Variants in SVEP1 observed in about 807,000 individuals in gnomAD.
SVEP1 encodes sushi, von Willebrand factor type A, EGF and pentraxin domain containing 1.
Under a neutral mutation model 367.3 loss-of-function variants are expected in SVEP1, and 164 were observed. The ratio of observed to expected loss-of-function variants is 0.45; its 90% CI spans 0.39 to 0.51. The LOEUF is 0.51. Among genes scored for constraint, SVEP1 ranks in the 20% least tolerant of loss-of-function variants. The pLI is 0.00. For synonymous variants in SVEP1, 1,666 were observed against 1,611.6 expected, an observed-to-expected ratio of 1.03 and a Z score of -0.81; for missense variants, 4,117 against 4,425.3, an observed-to-expected ratio of 0.93 and a Z score of 1.98.
At chr9:110,387,535 A>G in intron 41 of SVEP1, 77 bp from the exon 42 acceptor site, 3 of 1,393,830 alleles carry the variant, frequency 2.2e-6, no homozygotes, top group East Asian at 2.4e-5. Context: ...ATTGCCAAAG[A>G]TATTTCATGG....
intron 27 of SVEP1, among the ~76,000 whole-genome samples, chr9:110,437,447 T>C (rs1255418103): frequency 6.6e-6 from 1 of 152,208 alleles, no homozygotes; most frequent in Non-Finnish European, 1.5e-5. Context: ...CAGCCCTTCG[T>C]TAAACTCACT....
intron 5 of SVEP1, among the ~76,000 whole-genome samples, chr9:110,504,220 A>ATTT (rs35561615): frequency 6.8e-5 from 10 of 146,918 alleles, no homozygotes; most frequent in African/African-American, 2.5e-4. Flanking sequence ...ACGCCCGGCT[A>ATTT]TTTTTTTTTT....
At chr9:110,381,303 T>C (rs10817001) in intron 43 of SVEP1, among the ~76,000 whole-genome samples, 41,998 of 152,040 alleles carry the variant, frequency 0.28, 6,411 homozygotes, top group Middle Eastern at 0.5. Context: ...TGTTAGGGTG[T>C]CAATCTGAGA....
intron 8 of SVEP1, 49 bp downstream of exon 8, chr9:110,496,766 A>G (rs375408093): frequency 7.5e-6 from 10 of 1,340,474 alleles, no homozygotes; most frequent in African/African-American, 1.5e-5. Flanking sequence ...TATCTGCAGT[A>G]TATTTAGAAT....
chr9:110,552,801 G>C (rs891064270), intron 1 of SVEP1, among the ~76,000 whole-genome samples: 3 of 152,172 alleles, frequency 2.0e-5, no homozygotes, highest in South Asian at 2.1e-4. Context: ...CTGGGTACTG[G>C]GGCCCCCTGC....
intron 43 of SVEP1, among the ~76,000 whole-genome samples, chr9:110,381,293 T>C (rs11792414): frequency 0.081 from 12,304 of 152,228 alleles, 982 homozygotes; most frequent in African/African-American, 0.21. Flanking sequence ...TTAGTTGTGA[T>C]GTTAGGGTGT....
intron 3 of SVEP1, among the ~76,000 whole-genome samples, chr9:110,542,838 A>G (rs1588100903): frequency 1.7e-5 from 2 of 118,524 alleles, no homozygotes; most frequent in African/African-American, 6.2e-5. Context: ...GGGGGGAGGG[A>G]TAGCATTAGG....
At chr9:110,577,076 C>G (rs1830635863) in intron 1 of SVEP1, among the ~76,000 whole-genome samples, 1 of 151,904 alleles carries the variant, frequency 6.6e-6, no homozygotes. Context: ...ATATAATCCC[C>G]AAGTTAATTC....
At chr9:110,412,014 A>C (rs926835608) in intron 36 of SVEP1, among the ~76,000 whole-genome samples, 5 of 152,202 alleles carry the variant, frequency 3.3e-5, no homozygotes, top group African/African-American at 1.2e-4. Flanking sequence ...TTATTGATCA[A>C]ATGACTTGCA....
At chr9:110,557,583 C>T (rs1269680918) in intron 1 of SVEP1, among the ~76,000 whole-genome samples, 1 of 148,840 alleles carries the variant, frequency 6.7e-6, no homozygotes, top group Non-Finnish European at 1.5e-5. Context: ...TTTTATTTAG[C>T]AGAAAATTTT....
intron 43 of SVEP1, among the ~76,000 whole-genome samples, chr9:110,379,829 C>T (rs1196500377): frequency 6.6e-6 from 1 of 152,094 alleles, no homozygotes; most frequent in Non-Finnish European, 1.5e-5. Flanking sequence ...CTGCAAGAGA[C>T]TTTCAAAACA....
intron 1 of SVEP1, among the ~76,000 whole-genome samples, chr9:110,561,219 C>G (rs574730550): frequency 6.6e-6 from 1 of 152,068 alleles, no homozygotes; most frequent in Non-Finnish European, 1.5e-5. Flanking sequence ...TTTCCACCTC[C>G]CAATACATCC....
chr9:110,476,136 C>T, intron 14 of SVEP1, 68 bp downstream of exon 14: 1 of 1,006,452 alleles, frequency 9.9e-7, no homozygotes, highest in Non-Finnish European at 1.5e-6. Context: ...GTTTGCCTCA[C>T]TTTTCTGGAA....
intron 3 of SVEP1, among the ~76,000 whole-genome samples, chr9:110,524,718 T>TATTATTATTATTATTATTATTATTAC (rs35477110): frequency 1.1e-4 from 16 of 143,838 alleles, no homozygotes; most frequent in African/African-American, 3.6e-4. Context: ...TTATTATTAC[T>TATTATTATTATTATTATTATTATTAC]TTTTTTTTTT....
intron 3 of SVEP1, among the ~76,000 whole-genome samples, chr9:110,536,629 G>C (rs1022696809): frequency 2.0e-5 from 3 of 151,926 alleles, no homozygotes; most frequent in African/African-American, 7.2e-5. Context: ...TCTTTAGCAT[G>C]ATTCAAAATC....
In SVEP1 at chr9:110,400,871, G is replaced by A. The variant is rs769502047; in HGVS notation, c.9805C>T (p.Pro3269Ser). ...FESTIIYQCE[P>S]GYELEGNRER... is the part of the protein sequence containing the mutation. ...TCGCTTACCTCTAGTTCATAGCCAG[G>A]CTCACACTGATAAATAATTGTGCTT... The change falls in exon 40 of 48, where the codon CCT (proline) becomes TCT (serine). Residue 3269 changes from proline (P) to serine (S), a missense_variant. Coordinates refer to ENST00000374469, the MANE Select transcript of SVEP1 (RefSeq NM_153366.4). 1.2e-6 allele frequency: 2 copies of A among 1,613,450 alleles called. No homozygotes were observed. Among genetic ancestry groups the A allele is most frequent in the Admixed American group, 1.7e-5 (1 of 59,916 alleles).
At chr9:110,384,386 A>G (rs997436566) in intron 43 of SVEP1, among the ~76,000 whole-genome samples, 1 of 149,616 alleles carries the variant, frequency 6.7e-6, no homozygotes, top group Non-Finnish European at 1.5e-5. Flanking sequence ...GAGAACCTGG[A>G]TACCTCAGTT....
chr9:110,490,375 T>A (rs1005766289), intron 8 of SVEP1, among the ~76,000 whole-genome samples: 1 of 152,156 alleles, frequency 6.6e-6, no homozygotes, highest in African/African-American at 2.4e-5. Flanking sequence ...GAATATATGA[T>A]CGATTATCGT....
At position 110,432,624 on chromosome 9, in the gene SVEP1, C is replaced by T. The variant is rs1173968493; in HGVS notation, c.5071G>A (p.Gly1691Arg). 6.2e-6 allele frequency: 10 copies of T among 1,612,034 alleles called. No individual in the cohort carries two copies. The South Asian group carries it at 8.8e-5, about 14-fold the overall frequency. ...CCATTCTCCAAAGGAGGTGGCACCC[C>T]ACAGCTAATGCCTGTAAGGTGACCA... Reference protein sequence around the residue: ...PLPHCERISCGVPPPLENGFH... With the variant: ...PLPHCERISCRVPPPLENGFH... Residue 1691 changes from glycine to arginine, a missense_variant, in exon 31 of 48, where the codon GGG becomes AGG. This residue lies in a region of SVEP1 where 2,174 missense variants were observed against 2,494.3 expected (regional missense o/e 0.87). Coordinates refer to ENST00000374469, the MANE Select transcript of SVEP1 (RefSeq NM_153366.4).
Sources: gnomAD v4.1 joint callset for allele counts (sites outside exome capture counted in the v4.1 genomes callset) on GRCh38, gnomAD v4.1.1 for gene constraint, gnomAD v4.1.1 regional missense constraint, MANE v1.5 for transcripts, NCBI Gene and HGNC (gene_info 2026-07-23, HGNC 2026-07-21) for gene names.